The following PAWR variants were observed in gnomAD, a reference collection of about 807,000 sequenced individuals.
The protein encoded by PAWR is PRKC apoptosis WT1 regulator protein.
A neutral mutation model predicts 32.0 loss-of-function variants in PAWR; 23 were observed. The observed-to-expected ratio is 0.72, with a 90% CI of 0.52 to 1.02. PAWR has a LOEUF of 1.02. Ranked by LOEUF, PAWR falls within the 50% of genes least tolerant of loss-of-function variation. The probability of loss-of-function intolerance (pLI) is 0.00; values close to 1 mark genes in which losing one functional copy is unlikely to be tolerated. For synonymous variants in PAWR, 226 were observed against 187.1 expected (o/e 1.21, Z -1.70); for missense variants, 457 against 437.7 (o/e 1.04, Z -0.39).
At chr12:79,605,419 TATC>T (rs1592495085) in intron 4 of PAWR, among the ~76,000 whole-genome samples, 1 of 152,092 alleles carries the variant, frequency 6.6e-6, no homozygotes, top group Non-Finnish European at 1.5e-5. Flanking sequence ...CATTCCTCAT[TATC>T]ATCTTAACAT....
intron 2 of PAWR, among the ~76,000 whole-genome samples, chr12:79,677,649 T>G (rs1483467940): frequency 1.3e-5 from 2 of 152,162 alleles, no homozygotes; most frequent in Admixed American, 1.3e-4. Flanking sequence ...TGAATACTAT[T>G]CCTAAAACAT....
intron 2 of PAWR, among the ~76,000 whole-genome samples, chr12:79,632,356 TATATA>T (rs1423342857): frequency 1.1e-3 from 54 of 50,350 alleles, no homozygotes; most frequent in Non-Finnish European, 1.4e-3. Flanking sequence ...TATATATATA[TATATA>T]TTTTTTTTTT....
intron 3 of PAWR, 22 bp from the exon 4 acceptor site, chr12:79,613,631 G>T: frequency 2.1e-6 from 3 of 1,436,968 alleles, no homozygotes; most frequent in Non-Finnish European, 2.9e-6. Flanking sequence ...AAATAATTAT[G>T]TATCAGTTTG....
At chr12:79,617,838 G>A (rs976409173) in intron 3 of PAWR, among the ~76,000 whole-genome samples, 2 of 152,102 alleles carry the variant, frequency 1.3e-5, no homozygotes, top group Non-Finnish European at 2.9e-5. Context: ...TCTCATGAAT[G>A]GTTTAGCACC....
chr12:79,597,011 T>C (rs2136675219), intron 4 of PAWR: 1 of 180,046 alleles, frequency 5.6e-6, no homozygotes, highest in East Asian at 1.5e-4. Context: ...ATAAGGTCAG[T>C]GATGGATACT....
chr12:79,653,784 G>C (rs1426787196), intron 2 of PAWR, among the ~76,000 whole-genome samples: 1 of 152,160 alleles, frequency 6.6e-6, no homozygotes, highest in Non-Finnish European at 1.5e-5. Flanking sequence ...TGCCCTCAGT[G>C]CTTATTTTTT....
In PAWR at chr12:79,658,607, A is replaced by T. The variant is rs1000912569; in HGVS notation, c.516+31122T>A. On this transcript the variant is annotated intron_variant, in intron 2 of 6. Transcript: ENST00000328827. ...CAAATGCAGATTTATGTTATATAAC[A>T]CTAAAATTTCAAGAGAATATTCATC... Among the ~76,000 whole-genome samples, 3 of 152,346 alleles carry T rather than the reference A, an allele frequency of 2.0e-5. No homozygotes were observed. In the South Asian group the frequency reaches 6.2e-4, roughly 32 times the overall value.
intron 2 of PAWR, among the ~76,000 whole-genome samples, chr12:79,639,352 C>A: frequency 6.6e-6 from 1 of 152,068 alleles, no homozygotes; most frequent in East Asian, 1.9e-4. Flanking sequence ...CTTCTCCCAG[C>A]CAACATATTT....
chr12:79,641,371 A>C lies in PAWR; in HGVS notation c.517-20164T>G, dbSNP rs557313417. 5.9e-5 allele frequency among the ~76,000 whole-genome samples: 9 copies of C among 152,316 alleles called. No homozygotes were observed. The East Asian group carries it at 1.5e-3, about 26-fold the overall frequency. On this transcript the variant is annotated intron_variant, in intron 2 of 6. Coordinates refer to ENST00000328827, the MANE Select transcript of PAWR (RefSeq NM_002583.4). ...AGCAGTTAAACATTTGCTTAAAGTT[A>C]CACAGCTAACAAGTGATGGAGCTGT...
rs1034610948 is a variant in PAWR, at chr12:79,589,410, C to T, written c.*3197G>A. ...CCAAAAAACACAAACCACATGTAACCGAGGTAGGTTTTTCACCTTAAGAAT... is the reference window on the plus strand; with the variant it reads ...CCAAAAAACACAAACCACATGTAACTGAGGTAGGTTTTTCACCTTAAGAAT... On this transcript the variant is annotated 3_prime_UTR_variant, in exon 7 of 7. Transcript: ENST00000328827. 2.6e-5 allele frequency: 4 copies of T among 151,634 alleles called. No individual in the cohort carries two copies. The highest frequency in any genetic ancestry group is 4.8e-5 in the African/African-American group (2 of 41,288). 9.4% of individuals were successfully genotyped at this position (151,634 alleles called of 1,614,324 possible).
chr12:79,629,569 C>T (rs1390038324), intron 2 of PAWR, among the ~76,000 whole-genome samples: 1 of 151,844 alleles, frequency 6.6e-6, no homozygotes, highest in Non-Finnish European at 1.5e-5. Context: ...CTTAATACAA[C>T]ATGAAGGTGG....
In PAWR at chr12:79,587,452, C is replaced by T. The variant is rs182799030; in HGVS notation, c.*5155G>A. On this transcript the variant is annotated 3_prime_UTR_variant, in exon 7 of 7. Transcript: ENST00000328827. ...TGAAGGACCTGAAATTCTTTGGACA[C>T]CATCAGATTTAGTTTATAAGAGTTC... 1.3e-5 allele frequency: 2 copies of T among 152,116 alleles called. No individual in the cohort carries two copies. The highest frequency in any genetic ancestry group is 4.1e-4 in the South Asian group (2 of 4,826). The allele number at this position is 152,116 out of a possible 1,614,324, so 9.4% of individuals were successfully genotyped here. A position where few individuals can be genotyped will look rare whatever the true frequency, so the allele number is the denominator to read the frequency against.
chr12:79,594,211 A>T, intron 6 of PAWR, 118 bp downstream of exon 6: 1 of 550,534 alleles, frequency 1.8e-6, no homozygotes, highest in Admixed American at 3.9e-5. Flanking sequence ...ACTAATTATT[A>T]TTTCACTAAC....
rs998402964 is a variant in PAWR at position 79,589,060 on chromosome 12, T to A, written c.*3547A>T. On this transcript the variant is annotated 3_prime_UTR_variant, in exon 7 of 7. Coordinates refer to ENST00000328827, the MANE Select transcript of PAWR (RefSeq NM_002583.4). ...TTAGAGACTGTAATTGGGAATACAA[T>A]CCTATAACAAGTTATTAACAATATC... is the stretch of plus-strand genomic sequence containing the variant. The A allele has an allele frequency of 6.6e-6, 1 of 151,876 alleles. No homozygotes were observed. Among genetic ancestry groups the A allele is most frequent in the African/African-American group, 2.4e-5 (1 of 41,386 alleles). The allele number at this position is 151,876 out of a possible 1,614,324, so 9.4% of individuals were successfully genotyped here. A position where few individuals can be genotyped will look rare whatever the true frequency, so the allele number is the denominator to read the frequency against.
rs980962885 is a variant in PAWR at position 79,586,116 on chromosome 12, T to A, written c.*6491A>T. ...CATAATTTTACTTTAATGATGTTGT[T>A]TATTGTCCTAAGCCATCCATACACA... On this transcript the variant is annotated 3_prime_UTR_variant, in exon 7 of 7. Transcript: ENST00000328827. The A allele has an allele frequency of 6.6e-6, 1 of 152,228 alleles. No homozygotes were observed. The highest frequency in any genetic ancestry group is 1.5e-5 in the Non-Finnish European group (1 of 68,026). 9.4% of individuals were successfully genotyped at this position (152,228 alleles called of 1,614,324 possible).
At chr12:79,614,801 G>A (rs1456792142) in intron 3 of PAWR, among the ~76,000 whole-genome samples, 2 of 152,180 alleles carry the variant, frequency 1.3e-5, no homozygotes, top group African/African-American at 2.4e-5. Flanking sequence ...TGCATGATGC[G>A]ATAAAAGACT....
chr12:79,628,084 G>T (rs1875430008), intron 2 of PAWR, among the ~76,000 whole-genome samples: 1 of 152,160 alleles, frequency 6.6e-6, no homozygotes, highest in South Asian at 2.1e-4. Context: ...AAATGTAAAA[G>T]AACAGAAATT....
chr12:79,619,050 T>C (rs1321005873), intron 3 of PAWR, among the ~76,000 whole-genome samples: 1 of 151,642 alleles, frequency 6.6e-6, no homozygotes, highest in Non-Finnish European at 1.5e-5. Flanking sequence ...ATAATTTTAA[T>C]TGATAAAATT....
At chr12:79,635,313 C>T (rs917188618) in intron 2 of PAWR, among the ~76,000 whole-genome samples, 2 of 151,962 alleles carry the variant, frequency 1.3e-5, no homozygotes, top group East Asian at 3.9e-4. Flanking sequence ...CTCAGTGATT[C>T]TTTCATAATA....
Sources: gnomAD v4.1 joint callset for allele counts (sites outside exome capture counted in the v4.1 genomes callset) on GRCh38, gnomAD v4.1.1 for gene constraint, MANE v1.5 for transcripts, NCBI Gene and HGNC (gene_info 2026-07-23, HGNC 2026-07-21) for gene names.